Variants in AKT3 observed in about 807,000 individuals in gnomAD.
AKT3 encodes RAC-gamma serine/threonine-protein kinase.
Under a neutral mutation model 65.3 loss-of-function variants are expected in AKT3, and 15 were observed. The ratio of observed to expected loss-of-function variants is 0.23; its 90% CI spans 0.15 to 0.35. AKT3 has a LOEUF of 0.35. AKT3 is among the 10% of genes least tolerant of loss of function. AKT3 has a pLI of 1.00. For synonymous variants in AKT3, 206 were observed against 183.8 expected (o/e 1.12, Z -0.98); for missense variants, 243 against 576.5 (o/e 0.42, Z 5.92).
intron 2 of AKT3, among the ~76,000 whole-genome samples, chr1:243,748,587 G>A (rs1688617435): frequency 6.6e-6 from 1 of 152,126 alleles, no homozygotes; most frequent in Non-Finnish European, 1.5e-5. Flanking sequence ...AAACTTTAAT[G>A]TAGAATTTCA....
chr1:243,685,356 A>G (rs1684212969), intron 3 of AKT3, among the ~76,000 whole-genome samples: 1 of 152,156 alleles, frequency 6.6e-6, no homozygotes, highest in Non-Finnish European at 1.5e-5. Context: ...ATTTGTGCAT[A>G]AAGTGTAAGG....
At chr1:243,792,074 G>A (rs751238719) in intron 2 of AKT3, among the ~76,000 whole-genome samples, 3 of 152,196 alleles carry the variant, frequency 2.0e-5, no homozygotes, top group Non-Finnish European at 4.4e-5. Flanking sequence ...GTCAAGGACA[G>A]TCTGACTTCT....
At chr1:243,731,787 A>G (rs556483240) in intron 2 of AKT3, among the ~76,000 whole-genome samples, 3 of 152,330 alleles carry the variant, frequency 2.0e-5, no homozygotes, top group South Asian at 2.1e-4. Flanking sequence ...CCATGGACCA[A>G]TGTACTTCAC....
At chr1:243,586,672 C>T (rs113271243) in intron 8 of AKT3, among the ~76,000 whole-genome samples, 3,255 of 152,068 alleles carry the variant, frequency 0.021, 56 homozygotes, top group Non-Finnish European at 0.032. Flanking sequence ...AGGAGCTAAT[C>T]AATTGGTACT....
chr1:243,764,047 T>C (rs1366023516), intron 2 of AKT3, among the ~76,000 whole-genome samples: 2 of 152,090 alleles, frequency 1.3e-5, no homozygotes, highest in Non-Finnish European at 2.9e-5. Context: ...CCGATATTTC[T>C]GAATGACAGA....
chr1:243,803,916 G>A (rs561285601), intron 2 of AKT3, among the ~76,000 whole-genome samples: 1 of 152,296 alleles, frequency 6.6e-6, no homozygotes, highest in South Asian at 2.1e-4. Context: ...CTGGTGAGAA[G>A]GAGTCTATCT....
At chr1:243,496,518 A>T (rs561398386), downstream of AKT3, among the ~76,000 whole-genome samples, 9 of 152,310 alleles carry the variant, frequency 5.9e-5, no homozygotes, top group South Asian at 1.2e-3. Flanking sequence ...CCAAACAGAG[A>T]CAGCGTGCCA....
intron 2 of AKT3, among the ~76,000 whole-genome samples, chr1:243,703,213 A>C (rs551929400): frequency 6.6e-6 from 1 of 152,344 alleles, no homozygotes; most frequent in Admixed American, 6.5e-5. Context: ...TTCATAAATA[A>C]ATATTAGCAC....
chr1:243,794,473 G>A (rs1014739125), intron 2 of AKT3: 1 of 152,150 alleles, frequency 6.6e-6, no homozygotes, highest in Non-Finnish European at 1.5e-5. Context: ...ATATCAAAAA[G>A]AACTACCAAG....
intron 6 of AKT3, among the ~76,000 whole-genome samples, chr1:243,631,595 T>A (rs1354796686): frequency 6.6e-6 from 1 of 152,212 alleles, no homozygotes; most frequent in Non-Finnish European, 1.5e-5. Context: ...AGCGTGGCAA[T>A]TTCTTAAAAT....
intron 8 of AKT3, among the ~76,000 whole-genome samples, chr1:243,574,240 TCTTCCCCATTCCCACCCC>T (rs1435179720): frequency 6.6e-6 from 1 of 152,034 alleles, no homozygotes. Flanking sequence ...ATAAATTCAT[TCTTCCCCATTCCCACCCC>T]CACCTTCACT....
intron 2 of AKT3, among the ~76,000 whole-genome samples, chr1:243,749,397 C>T (rs1688668586): frequency 6.6e-6 from 1 of 152,050 alleles, no homozygotes. Flanking sequence ...ACCCCTCTCC[C>T]CCAACCCCAT....
intron 2 of AKT3, among the ~76,000 whole-genome samples, chr1:243,811,759 T>C (rs1213882211): frequency 6.6e-6 from 1 of 152,210 alleles, no homozygotes; most frequent in Non-Finnish European, 1.5e-5. Context: ...TCATACTACC[T>C]GTCTTCAAAT....
chr1:243,553,581 G>A, intron 10 of AKT3, among the ~76,000 whole-genome samples: 1 of 152,132 alleles, frequency 6.6e-6, no homozygotes, highest in African/African-American at 2.4e-5. Context: ...AACTTTGATA[G>A]CCACAGCTTT....
At chr1:243,533,632 C>T (rs1277801919) in intron 12 of AKT3, among the ~76,000 whole-genome samples, 1 of 152,014 alleles carries the variant, frequency 6.6e-6, no homozygotes, top group East Asian at 1.9e-4. Flanking sequence ...TCAATTAAAC[C>T]AGAGAAGGCA....
chr1:243,829,538 C>A (rs1316229324), intron 2 of AKT3, among the ~76,000 whole-genome samples: 1 of 151,988 alleles, frequency 6.6e-6, no homozygotes, highest in Non-Finnish European at 1.5e-5. Context: ...AAGCTCTTAC[C>A]AATAAATAAG....
At chr1:243,561,502 A>G (rs1344561476) in intron 10 of AKT3, among the ~76,000 whole-genome samples, 1 of 152,148 alleles carries the variant, frequency 6.6e-6, no homozygotes, top group Non-Finnish European at 1.5e-5. Context: ...GTGTACAGAT[A>G]ACATTTAAAT....
intron 2 of AKT3, among the ~76,000 whole-genome samples, chr1:243,797,874 A>G (rs906977662): frequency 6.7e-6 from 1 of 149,406 alleles, no homozygotes; most frequent in African/African-American, 2.4e-5. Context: ...AAAAAAACCA[A>G]AAAACAGTTT....
intron 3 of AKT3, among the ~76,000 whole-genome samples, chr1:243,682,616 C>A (rs1684002323): frequency 6.6e-6 from 1 of 152,156 alleles, no homozygotes; most frequent in Admixed American, 6.6e-5. Context: ...ATATTTATTC[C>A]TATCATTTAT....
Sources: gnomAD v4.1 joint callset for allele counts (sites outside exome capture counted in the v4.1 genomes callset) on GRCh38, gnomAD v4.1.1 for gene constraint, MANE v1.5 for transcripts, NCBI Gene and HGNC (gene_info 2026-07-23, HGNC 2026-07-21) for gene names.